Variants in DTNBP1 observed in about 807,000 individuals in gnomAD.
DTNBP1 encodes dystrobrevin binding protein 1, also known as dysbindin.
Under a neutral mutation model 42.8 loss-of-function variants are expected in DTNBP1, and 35 were observed. The ratio of observed to expected loss-of-function variants is 0.82; its 90% CI spans 0.63 to 1.09. The LOEUF (loss-of-function observed/expected upper bound fraction) is 1.09, where lower values mean the gene tolerates loss of function less well. Ranked by LOEUF, DTNBP1 falls within the 50% of genes least tolerant of loss-of-function variation. DTNBP1 has a pLI of 0.00. For synonymous variants in DTNBP1, 171 were observed against 162.2 expected (o/e 1.05, Z -0.41); for missense variants, 457 against 424.2 (o/e 1.08, Z -0.68).
rs562884677 is a variant in DTNBP1 at position 15,562,088 on chromosome 6, C to T, written c.512-28693G>A. 4.6e-5 allele frequency among the ~76,000 whole-genome samples: 7 copies of T among 152,298 alleles called. No homozygotes were observed. In the South Asian group the frequency reaches 1.5e-3, roughly 32 times the overall value. ...CATGAATAATCCACCCCTTGTTTAG[C>T]ATATGATCAAGAAATGACCATAAAA... is the stretch of plus-strand genomic sequence containing the variant. On this transcript the variant is annotated intron_variant, in intron 7 of 9. Transcript: ENST00000344537.
chr6:15,558,258 A>C (rs922529474), intron 7 of DTNBP1, among the ~76,000 whole-genome samples: 4 of 149,526 alleles, frequency 2.7e-5, no homozygotes, highest in African/African-American at 9.9e-5. Flanking sequence ...CAACTATAAG[A>C]TTCTGATGAG....
At chr6:15,531,927 T>C (rs1479764928) in intron 8 of DTNBP1, among the ~76,000 whole-genome samples, 3 of 152,234 alleles carry the variant, frequency 2.0e-5, no homozygotes, top group Non-Finnish European at 4.4e-5. Context: ...CCACTGCGCC[T>C]GGCCTCATTC....
intron 8 of DTNBP1, among the ~76,000 whole-genome samples, chr6:15,525,255 G>A (rs895746179): frequency 6.6e-6 from 1 of 152,236 alleles, no homozygotes; most frequent in Non-Finnish European, 1.5e-5. Context: ...AACAGCACAT[G>A]CCTAGTTGGC....
intron 1 of DTNBP1, among the ~76,000 whole-genome samples, chr6:15,655,710 A>G (rs963549836): frequency 2.6e-5 from 4 of 152,100 alleles, no homozygotes; most frequent in Admixed American, 6.5e-5. Context: ...TTTGCCTGCT[A>G]AACTTTCTTG....
chr6:15,535,627 C>A (rs1773180849), intron 7 of DTNBP1, among the ~76,000 whole-genome samples: 1 of 152,090 alleles, frequency 6.6e-6, no homozygotes, highest in South Asian at 2.1e-4. Context: ...TCAGGTATTT[C>A]TTTATAGCAG....
Position 15,587,211 on chromosome 6 carries a change from T to C in DTNBP1, c.511+5848A>G, listed in dbSNP as rs1415353990. Among the ~76,000 whole-genome samples the C allele has an allele frequency of 6.6e-6, 1 of 152,176 alleles. No homozygotes were observed. Among genetic ancestry groups the C allele is most frequent in the Admixed American group, 6.5e-5 (1 of 15,268 alleles). ...TTAAGGAATAAATTTAAGACTCACA[T>C]ATTGAAAACAACAAAACTGCTTAGA... On this transcript the variant is annotated intron_variant, in intron 7 of 9. Coordinates refer to ENST00000344537, the MANE Select transcript of DTNBP1 (RefSeq NM_032122.5). The surrounding 1 kb of genome is among the most constrained non-coding windows in gnomAD (Gnocchi z 4.1).
chr6:15,584,965 TTA>T (rs1172550308), intron 7 of DTNBP1, among the ~76,000 whole-genome samples: 3 of 145,772 alleles, frequency 2.1e-5, no homozygotes, highest in African/African-American at 2.5e-5. Flanking sequence ...ATATATGTAT[TTA>T]TATATATATA....
In DTNBP1 at chr6:15,523,741, C is replaced by G. The variant is rs16876561; in HGVS notation, c.812-522G>C. 11 of 1,287,096 alleles carry G rather than the reference C, an allele frequency of 8.5e-6. No homozygotes were observed. The African/African-American group carries it at 9.1e-5, about 11-fold the overall frequency. The allele number at this position is 1,287,096 out of a possible 1,614,324, so 79.7% of individuals were successfully genotyped here. ...TCCCCTGACTCTGGGTGAGGGTTCACGCTGGTCTCCAGTATTCTGGCCTTC... is the reference window on the plus strand; with the variant it reads ...TCCCCTGACTCTGGGTGAGGGTTCAGGCTGGTCTCCAGTATTCTGGCCTTC... On this transcript the variant is annotated intron_variant, in intron 9 of 9. Transcript: ENST00000344537.
chr6:15,652,471 C>G (rs1365829572), intron 1 of DTNBP1, among the ~76,000 whole-genome samples: 4 of 152,042 alleles, frequency 2.6e-5, no homozygotes, highest in Non-Finnish European at 4.4e-5. Flanking sequence ...CATGAGCCAC[C>G]CCACCCAGCC....
chr6:15,595,522 C>T (rs909772649), intron 6 of DTNBP1, among the ~76,000 whole-genome samples: 3 of 152,202 alleles, frequency 2.0e-5, no homozygotes, highest in African/African-American at 7.2e-5. Context: ...CTGCCTCGGC[C>T]TCCCAAAGTC....
At chr6:15,644,966 A>G (rs1384787562) in intron 3 of DTNBP1, among the ~76,000 whole-genome samples, 1 of 152,008 alleles carries the variant, frequency 6.6e-6, no homozygotes, top group Non-Finnish European at 1.5e-5. Context: ...AAAAAAAACC[A>G]TACAAAGTAT....
chr6:15,644,683 T>C (rs1183491143), intron 3 of DTNBP1, among the ~76,000 whole-genome samples: 2 of 152,098 alleles, frequency 1.3e-5, no homozygotes, highest in African/African-American at 2.4e-5. Flanking sequence ...GAATGACTTT[T>C]GGGTAAACAA....
chr6:15,581,265 T>C (rs1775818565), intron 7 of DTNBP1, among the ~76,000 whole-genome samples: 1 of 152,162 alleles, frequency 6.6e-6, no homozygotes, highest in Non-Finnish European at 1.5e-5. Flanking sequence ...CTGCAACCTC[T>C]GCCACCCAGG....
chr6:15,568,721 T>C (rs1263197730), intron 7 of DTNBP1, among the ~76,000 whole-genome samples: 1 of 152,238 alleles, frequency 6.6e-6, no homozygotes, highest in Non-Finnish European at 1.5e-5. Flanking sequence ...TAATGAATAG[T>C]AAATAATATT....
intron 7 of DTNBP1, among the ~76,000 whole-genome samples, chr6:15,568,527 T>C: frequency 6.6e-6 from 1 of 152,224 alleles, no homozygotes; most frequent in East Asian, 1.9e-4. Context: ...AACATGGATT[T>C]GAACTGGACA....
At position 15,523,056 on chromosome 6, in the gene DTNBP1, T is replaced by TTCC. The variant is rs762760469; in HGVS notation, c.972_974dup (p.Glu325dup). The TTCC allele has an allele frequency of 4.8e-5, 77 of 1,614,006 alleles. No homozygotes were observed. Among genetic ancestry groups the TTCC allele is most frequent in the Non-Finnish European group, 6.3e-5 (74 of 1,180,014 alleles). ...TGGCCAGGGCAGTGTCCACCTGAAC[T>TTCC]TCCTCCTCATCGGACTGAACAACGG... On this transcript the variant is annotated inframe_insertion, in exon 10 of 10. Coordinates refer to ENST00000344537, the MANE Select transcript of DTNBP1 (RefSeq NM_032122.5).
chr6:15,658,175 A>G (rs1027060270), intron 1 of DTNBP1, among the ~76,000 whole-genome samples: 1 of 152,214 alleles, frequency 6.6e-6, no homozygotes, highest in Non-Finnish European at 1.5e-5. Flanking sequence ...GGGCTCTCAA[A>G]TCTTTTTTAA....
chr6:15,534,477 C>T (rs530737927), intron 7 of DTNBP1, among the ~76,000 whole-genome samples: 1 of 151,832 alleles, frequency 6.6e-6, no homozygotes, highest in Admixed American at 6.6e-5. Context: ...TATGGTAAAA[C>T]CGTAAAACCC....
intron 7 of DTNBP1, among the ~76,000 whole-genome samples, chr6:15,550,192 T>A (rs1330243018): frequency 7.9e-5 from 12 of 151,208 alleles, no homozygotes; most frequent in Admixed American, 7.9e-4. Flanking sequence ...CTTAAAAATG[T>A]TCAAAACAAT....
Sources: allele counts gnomAD v4.1 joint callset (sites outside exome capture counted in the v4.1 genomes callset), GRCh38; gene constraint gnomAD v4.1.1; non-coding constraint Gnocchi (gnomAD v3.1); transcripts MANE v1.5; gene names NCBI Gene and HGNC (gene_info 2026-07-23, HGNC 2026-07-21).